The following MAP3K13 variants were observed in gnomAD, a reference collection of about 807,000 sequenced individuals.
MAP3K13 encodes mitogen-activated protein kinase kinase kinase 13.
A neutral mutation model predicts 104.0 loss-of-function variants in MAP3K13; 52 were observed. The ratio of observed to expected loss-of-function variants is 0.50; its 90% CI spans 0.40 to 0.63. MAP3K13 has a LOEUF of 0.63. MAP3K13 is among the 20% of genes least tolerant of loss of function. The pLI is 0.00. For synonymous variants in MAP3K13, 394 were observed against 442.2 expected (o/e 0.89, Z 1.37); for missense variants, 914 against 1,218.5 (o/e 0.75, Z 3.72).
chr3:185,381,528 C>G (rs1316227336), intron 1 of MAP3K13, among the ~76,000 whole-genome samples: 1 of 152,176 alleles, frequency 6.6e-6, no homozygotes, highest in African/African-American at 2.4e-5. Context: ...TGGGGTCGAA[C>G]AAGATGAGGC....
chr3:185,350,102 G>A (rs533067189), intron 2 of MAP3K13, among the ~76,000 whole-genome samples: 23 of 152,290 alleles, frequency 1.5e-4, no homozygotes, highest in African/African-American at 5.5e-4. Flanking sequence ...AGGTTCAACA[G>A]AGCACTTATG....
At chr3:185,472,197 C>CCCT (rs1301052384) in intron 10 of MAP3K13, among the ~76,000 whole-genome samples, 5 of 150,644 alleles carry the variant, frequency 3.3e-5, no homozygotes, top group Admixed American at 1.3e-4. Context: ...ATCATCTCAT[C>CCCT]CCTTCTTCTT....
intron 11 of MAP3K13, among the ~76,000 whole-genome samples, chr3:185,475,391 G>A (rs746937057): frequency 5.9e-5 from 9 of 152,140 alleles, no homozygotes; most frequent in Non-Finnish European, 1.0e-4. Flanking sequence ...TGTTCACCAG[G>A]AATTTAGCTG....
chr3:185,450,141 C>A lies in MAP3K13; in HGVS notation c.1169+83C>A. 3.1e-6 allele frequency: 4 copies of A among 1,308,520 alleles called. No homozygotes were observed. Among genetic ancestry groups the A allele is most frequent in the South Asian group, 3.3e-5 (2 of 59,866 alleles). The allele number at this position is 1,308,520 out of a possible 1,614,324, so 81.1% of individuals were successfully genotyped here. On this transcript the variant is annotated intron_variant, in intron 6 of 13. Coordinates refer to ENST00000265026, the MANE Select transcript of MAP3K13 (RefSeq NM_004721.5). The surrounding 1 kb of genome is among the most constrained non-coding windows in gnomAD (Gnocchi z 4.2). ...ATCCTGGTGGTGGAAAGAATAGGAG[C>A]TTTGGAGTAGGAGAATCTTGGGTTC...
chr3:185,418,682 G>T lies in MAP3K13; in HGVS notation c.-85-9815G>T, dbSNP rs1713946044. On this transcript the variant is annotated intron_variant, in intron 1 of 13. Coordinates refer to ENST00000265026, the MANE Select transcript of MAP3K13 (RefSeq NM_004721.5). This position sits in a 1 kb window ranked among gnomAD's most constrained non-coding sequence, Gnocchi z 4.5. Reference sequence around the variant, plus strand: ...TGAACAAAGTTCACAATATCTGGTCGAATAGGAGCCTTGAATACAGCAGGC... The same window carrying T: ...TGAACAAAGTTCACAATATCTGGTCTAATAGGAGCCTTGAATACAGCAGGC... 1.2e-6 allele frequency: 2 copies of T among 1,611,492 alleles called. No homozygotes were observed. The highest frequency in any genetic ancestry group is 2.2e-5 in the East Asian group (1 of 44,866).
chr3:185,356,863 C>CATGTATGTATGT (rs72268579), intron 2 of MAP3K13, among the ~76,000 whole-genome samples: 21 of 149,622 alleles, frequency 1.4e-4, no homozygotes, highest in Middle Eastern at 3.4e-3. Context: ...AGGCAGACTT[C>CATGTATGTATGT]ATGTATGTAT....
chr3:185,359,509 A>G (rs1179859080), upstream of MAP3K13, among the ~76,000 whole-genome samples: 1 of 152,206 alleles, frequency 6.6e-6, no homozygotes, highest in Non-Finnish European at 1.5e-5. Context: ...TCCCTTGTTG[A>G]GAGAGTAGCA....
intron 12 of MAP3K13, among the ~76,000 whole-genome samples, chr3:185,479,074 T>A (rs1435736449): frequency 2.0e-5 from 3 of 152,102 alleles, no homozygotes; most frequent in African/African-American, 7.2e-5. Flanking sequence ...TTGCAAATTA[T>A]CTCCCCAGAA....
intron 1 of MAP3K13, among the ~76,000 whole-genome samples, chr3:185,426,140 G>A (rs553565238): frequency 6.6e-6 from 1 of 152,214 alleles, no homozygotes; most frequent in South Asian, 2.1e-4. Flanking sequence ...GAGTGTAGTA[G>A]CGCAATCTTG....
chr3:185,449,389 A>AAAAG (rs1170964271), intron 5 of MAP3K13, among the ~76,000 whole-genome samples: 1 of 149,454 alleles, frequency 6.7e-6, no homozygotes, highest in African/African-American at 2.4e-5. Context: ...AAAAAAAAAA[A>AAAAG]AAAAAGTTTT....
rs1717928754 is a variant in MAP3K13, at chr3:185,473,469, C to T, written c.2138C>T (p.Pro713Leu). Residue 713 changes from proline (P) to leucine (L), a missense_variant, in exon 11 of 14, where the codon CCT becomes CTT. Pro to Leu is a moderately conservative substitution (Grantham distance 98). Coordinates refer to ENST00000265026, the MANE Select transcript of MAP3K13 (RefSeq NM_004721.5). This position sits in a 1 kb window ranked among gnomAD's most constrained non-coding sequence, Gnocchi z 4.9. ...GCAGACTGCTGGAGAAGTTCTGAGCCTGACAAGGGCCAAGCTGGTCCCTGG... is the reference window on the plus strand; with the variant it reads ...GCAGACTGCTGGAGAAGTTCTGAGCTTGACAAGGGCCAAGCTGGTCCCTGG... ...MAADCWRSSE[P>L]DKGQAGPWGC... The T allele has an allele frequency of 1.2e-6, 2 of 1,614,110 alleles. No homozygotes were observed. The highest frequency in any genetic ancestry group is 3.3e-5 in the Admixed American group (2 of 60,016).
rs778988805 is a variant in MAP3K13, at chr3:185,451,294, A to G, written c.1177A>G (p.Lys393Glu). The change falls in exon 7 of 14, where the codon AAA (lysine) becomes GAA (glutamate). Residue 393 changes from lysine (K) to glutamate (E), a missense_variant. Lys to Glu is a moderately conservative substitution (Grantham distance 56). Around this residue, in one of 3 missense-constraint regions of MAP3K13, gnomAD observed 583 missense variants for 737.4 expected, o/e 0.79. Transcript: ENST00000265026. ...KILMKQTWQS[K>E]PRNRPSFRQT... is the part of the protein sequence containing the mutation. ...TGTCTTTTTCACTTTTAGGCAGAGT[A>G]AACCTCGAAACCGACCTTCTTTTCG... 1.2e-5 allele frequency: 19 copies of G among 1,610,492 alleles called. No individual in the cohort carries two copies. Among genetic ancestry groups the G allele is most frequent in the Non-Finnish European group, 1.5e-5 (18 of 1,178,278 alleles).
upstream of MAP3K13, among the ~76,000 whole-genome samples, chr3:185,359,826 CTCTT>C (rs1290160648): frequency 1.3e-5 from 2 of 152,066 alleles, no homozygotes; most frequent in African/African-American, 4.8e-5. Context: ...GATCACTAAA[CTCTT>C]TCTTTTTCCT....
intron 2 of MAP3K13, among the ~76,000 whole-genome samples, chr3:185,354,018 G>T (rs1395543985): frequency 6.6e-6 from 1 of 152,148 alleles, no homozygotes; most frequent in Non-Finnish European, 1.5e-5. Context: ...ACCAGGCTGT[G>T]TTTGTGTAAG....
intron 2 of MAP3K13, among the ~76,000 whole-genome samples, chr3:185,355,020 A>T (rs6444055): frequency 0.73 from 110,207 of 151,974 alleles, 42,337 homozygotes; most frequent in Non-Finnish European, 0.86. Context: ...TTTTCTCACA[A>T]GTAAAATGGA....
At chr3:185,455,423 G>GATATATATATGAGATATATATGAT (rs199840990) in intron 7 of MAP3K13, among the ~76,000 whole-genome samples, 1 of 40,838 alleles carries the variant, frequency 2.4e-5, no homozygotes, top group Non-Finnish European at 4.6e-5. Flanking sequence ...AGATATATAT[G>GATATATATATGAGATATATATGAT]ATATATATGA....
Position 185,428,538 on chromosome 3 carries a change from T to C in MAP3K13, c.-44T>C. On this transcript the variant is annotated 5_prime_UTR_variant, in exon 2 of 14. Transcript: ENST00000265026. Reference sequence around the variant, plus strand: ...TTAAGTCAGAACTCTGTCCCAAAAATCTTCTGAGTGTCATCTCAGGACTTT... The same window carrying C: ...TTAAGTCAGAACTCTGTCCCAAAAACCTTCTGAGTGTCATCTCAGGACTTT... 6.6e-7 allele frequency: 1 copy of C among 1,520,312 alleles called. No homozygotes were observed. The highest frequency in any genetic ancestry group is 8.8e-7 in the Non-Finnish European group (1 of 1,136,052). The allele number at this position is 1,520,312 out of a possible 1,614,324, so 94.2% of individuals were successfully genotyped here. A position where few individuals can be genotyped will look rare whatever the true frequency, so the allele number is the denominator to read the frequency against.
intron 1 of MAP3K13, among the ~76,000 whole-genome samples, chr3:185,363,734 C>T (rs974229102): frequency 1.4e-4 from 21 of 152,346 alleles, no homozygotes; most frequent in African/African-American, 4.1e-4. Context: ...AAAGCGGGGC[C>T]CGCAAGACAG....
chr3:185,438,812 TGAA>T (rs1361441617), intron 3 of MAP3K13, among the ~76,000 whole-genome samples: 2 of 152,146 alleles, frequency 1.3e-5, no homozygotes, highest in Non-Finnish European at 2.9e-5. Context: ...GGAAAGAAGG[TGAA>T]GAACAGGACA....
Sources: allele counts gnomAD v4.1 joint callset (sites outside exome capture counted in the v4.1 genomes callset), GRCh38; gene constraint gnomAD v4.1.1; regional missense constraint gnomAD v4.1.1; non-coding constraint Gnocchi (gnomAD v3.1); transcripts MANE v1.5; gene names NCBI Gene and HGNC (gene_info 2026-07-23, HGNC 2026-07-21).